The following ROBO1 variants were observed in gnomAD, a reference collection of about 807,000 sequenced individuals.
ROBO1 encodes the protein roundabout homolog 1.
ROBO1 carries 149 observed loss-of-function variants against 195.9 expected under a neutral mutation model. The ratio of observed to expected loss-of-function variants is 0.76; its 90% CI spans 0.67 to 0.87. The LOEUF (loss-of-function observed/expected upper bound fraction) is 0.87, where lower values mean the gene tolerates loss of function less well. Ranked by LOEUF, ROBO1 falls within the 40% of genes least tolerant of loss-of-function variation. The probability of loss-of-function intolerance (pLI) is 0.00; values close to 1 mark genes in which losing one functional copy is unlikely to be tolerated. For missense variants in ROBO1, 1,933 were observed against 2,068.3 expected, an observed-to-expected ratio of 0.93 and a Z score of 1.27; for synonymous variants, 816 against 733.2, an observed-to-expected ratio of 1.11 and a Z score of -1.82.
At chr3:78,972,630 C>T (rs1409382644) in intron 3 of ROBO1, among the ~76,000 whole-genome samples, 1 of 152,184 alleles carries the variant, frequency 6.6e-6, no homozygotes, top group South Asian at 2.1e-4. Context: ...TAAAATCATT[C>T]ATTCCCCCTC....
At chr3:79,345,518 G>T (rs2035076736) in intron 2 of ROBO1, among the ~76,000 whole-genome samples, 2 of 151,946 alleles carry the variant, frequency 1.3e-5, no homozygotes, top group Non-Finnish European at 2.9e-5. Flanking sequence ...ACTTTTTACT[G>T]CAGGGTCTAA....
chr3:79,104,693 C>T lies in ROBO1; in HGVS notation c.172+20763G>A, dbSNP rs534398416. Among the ~76,000 whole-genome samples, 243 of 151,738 alleles carry T rather than the reference C, an allele frequency of 1.6e-3. 2 individuals are homozygous for T. The highest frequency in any genetic ancestry group is 5.4e-3 in the African/African-American group (222 of 41,470). On this transcript the variant is annotated intron_variant, in intron 3 of 30. Coordinates refer to ENST00000464233, the MANE Select transcript of ROBO1 (RefSeq NM_002941.4). ...TCCTGAGCATAAAGAGGTTACTTAG[C>T]CCAAGACTACTTTACTAGATTATTG...
intron 3 of ROBO1, among the ~76,000 whole-genome samples, chr3:79,069,307 G>T (rs1004429251): frequency 3.8e-4 from 57 of 151,674 alleles, no homozygotes; most frequent in African/African-American, 1.4e-3. Context: ...TACATTTATT[G>T]TTTTGGAACC....
intron 2 of ROBO1, among the ~76,000 whole-genome samples, chr3:79,395,321 C>CAAAA (rs71631647): frequency 3.0e-3 from 145 of 48,624 alleles, no homozygotes; most frequent in Non-Finnish European, 3.2e-3. Flanking sequence ...GACTCCGTCT[C>CAAAA]AAAAAAAAAA....
intron 4 of ROBO1, among the ~76,000 whole-genome samples, chr3:78,747,876 T>C (rs1271979658): frequency 6.6e-6 from 1 of 152,206 alleles, no homozygotes; most frequent in African/African-American, 2.4e-5. Flanking sequence ...TTATGTGGCA[T>C]GTTAGTCTTA....
intron 2 of ROBO1, among the ~76,000 whole-genome samples, chr3:79,309,645 C>A (rs182929637): frequency 1.3e-5 from 2 of 152,022 alleles, no homozygotes; most frequent in South Asian, 2.1e-4. Flanking sequence ...ATAAATTAAG[C>A]ACCATGAATA....
chr3:79,637,240 C>T (rs1438724414), intron 1 of ROBO1, among the ~76,000 whole-genome samples: 2 of 151,874 alleles, frequency 1.3e-5, no homozygotes, highest in African/African-American at 4.8e-5. Context: ...CAAATGTATG[C>T]ACATATTTAT....
At chr3:79,075,696 A>G (rs907238882) in intron 3 of ROBO1, among the ~76,000 whole-genome samples, 2 of 151,916 alleles carry the variant, frequency 1.3e-5, no homozygotes, top group Non-Finnish European at 1.5e-5. Context: ...TCAGAGCCCA[A>G]AGTCAGGTCC....
intron 2 of ROBO1, among the ~76,000 whole-genome samples, chr3:79,400,656 T>C (rs900982458): frequency 6.6e-6 from 1 of 152,088 alleles, no homozygotes; most frequent in Non-Finnish European, 1.5e-5. Context: ...GACTTTCATA[T>C]TGAGGAAAAT....
In ROBO1 at chr3:79,721,011, C is replaced by T. The variant is rs143710727; in HGVS notation, c.-51+46741G>A. ...TTTTCATCGTGTTAGCCACGATGGT[C>T]TCGATCTCCTGACCTCGTGATCCAC... On this transcript the variant is annotated intron_variant, in intron 1 of 30. Transcript: ENST00000464233. 9.1e-3 allele frequency among the ~76,000 whole-genome samples: 1,387 copies of T among 152,238 alleles called. 17 individuals are homozygous for T. Among genetic ancestry groups the T allele is most frequent in the African/African-American group, 0.03 (1,248 of 41,536 alleles).
At chr3:78,668,656 T>C (rs1366398800) in intron 11 of ROBO1, 91 bp from the exon 12 acceptor site, 2 of 1,039,004 alleles carry the variant, frequency 1.9e-6, no homozygotes, top group East Asian at 2.5e-5. Flanking sequence ...GATCCATGAA[T>C]ATGGATAACT....
intron 2 of ROBO1, among the ~76,000 whole-genome samples, chr3:79,492,080 C>T (rs1939488513): frequency 6.6e-6 from 1 of 152,010 alleles, no homozygotes; most frequent in Admixed American, 6.6e-5. Context: ...GTCTAAAGGA[C>T]TAAGAATTGG....
chr3:78,861,699 C>A (rs759561789), intron 4 of ROBO1, among the ~76,000 whole-genome samples: 7 of 152,182 alleles, frequency 4.6e-5, no homozygotes, highest in Non-Finnish European at 7.4e-5. Flanking sequence ...AGAGAGATTT[C>A]TTTCTTTGAT....
At chr3:78,622,538 T>C (rs1439704042) in intron 26 of ROBO1, among the ~76,000 whole-genome samples, 2 of 152,200 alleles carry the variant, frequency 1.3e-5, no homozygotes, top group Admixed American at 6.5e-5. Flanking sequence ...TATCTGGCCA[T>C]GGCAGACTGT....
At chr3:79,063,637 A>G (rs1559632683) in intron 3 of ROBO1, among the ~76,000 whole-genome samples, 1 of 151,778 alleles carries the variant, frequency 6.6e-6, no homozygotes, top group Non-Finnish European at 1.5e-5. Flanking sequence ...TCCTCCTTGA[A>G]ATACTATTTT....
At chr3:78,644,185 C>G (rs1266173092) in intron 21 of ROBO1, among the ~76,000 whole-genome samples, 1 of 151,948 alleles carries the variant, frequency 6.6e-6, no homozygotes, top group Non-Finnish European at 1.5e-5. Flanking sequence ...GAATGAGGCC[C>G]CTTCGTAAAG....
chr3:79,573,098 G>C (rs1943335279), intron 2 of ROBO1, among the ~76,000 whole-genome samples: 1 of 152,182 alleles, frequency 6.6e-6, no homozygotes, highest in Non-Finnish European at 1.5e-5. Flanking sequence ...CATGCAAGCT[G>C]GAGTGCAGCG....
intron 18 of ROBO1, among the ~76,000 whole-genome samples, chr3:78,652,930 AT>A (rs1706767948): frequency 1.3e-5 from 2 of 152,100 alleles, no homozygotes; most frequent in Non-Finnish European, 2.9e-5. Flanking sequence ...TTCTGTTGGC[AT>A]TGAGTGATAT....
At chr3:79,704,659 T>A (rs1947714945) in intron 1 of ROBO1, among the ~76,000 whole-genome samples, 1 of 152,034 alleles carries the variant, frequency 6.6e-6, no homozygotes, top group South Asian at 2.1e-4. Context: ...ATGTGCAGAA[T>A]TTTGCATGAA....
Sources: gnomAD v4.1 joint callset for allele counts (sites outside exome capture counted in the v4.1 genomes callset) on GRCh38, gnomAD v4.1.1 for gene constraint, MANE v1.5 for transcripts, NCBI Gene and HGNC (gene_info 2026-07-23, HGNC 2026-07-21) for gene names.